Variants in GIT2 observed in about 807,000 individuals in gnomAD.
The protein encoded by GIT2 is GIT ArfGAP 2.
In GIT2, 32 loss-of-function variants were observed where a neutral mutation model predicts 100.3. The ratio of observed to expected loss-of-function variants is 0.32; its 90% CI spans 0.24 to 0.43. The LOEUF (loss-of-function observed/expected upper bound fraction) is 0.43, where lower values mean the gene tolerates loss of function less well. Among genes scored for constraint, GIT2 ranks in the 20% least tolerant of loss-of-function variants. The pLI is 1.00. For missense variants in GIT2, 737 were observed against 975.1 expected, an observed-to-expected ratio of 0.76 and a Z score of 3.25; for synonymous variants, 353 against 364.1, an observed-to-expected ratio of 0.97 and a Z score of 0.35.
chr12:109,966,145 G>GC (rs924281250), intron 8 of GIT2, among the ~76,000 whole-genome samples: 2 of 151,810 alleles, frequency 1.3e-5, no homozygotes, highest in Non-Finnish European at 2.9e-5. Context: ...ACAGGCACAC[G>GC]CCACTGTGCC....
At position 109,933,441 on chromosome 12, in the gene GIT2, G is replaced by C. The variant is rs1393963695; in HGVS notation, c.2068-251C>G. 1 of 397,782 alleles carries C rather than the reference G, an allele frequency of 2.5e-6. No homozygotes were observed. The highest frequency in any genetic ancestry group is 4.5e-6 in the Non-Finnish European group (1 of 222,072). 24.6% of individuals were successfully genotyped at this position (397,782 alleles called of 1,614,324 possible). A position where few individuals can be genotyped will look rare whatever the true frequency, so the allele number is the denominator to read the frequency against. On this transcript the variant is annotated intron_variant, in intron 19 of 19. Coordinates refer to ENST00000355312, the MANE Select transcript of GIT2 (RefSeq NM_057169.5). This position sits in a 1 kb window ranked among gnomAD's most constrained non-coding sequence, Gnocchi z 4.5. Reference sequence around the variant, plus strand: ...TAGTAGTATGTGGTATTTTGAAGTAGTTTTTGAAAAATATTAATCCATGTG... The same window carrying C: ...TAGTAGTATGTGGTATTTTGAAGTACTTTTTGAAAAATATTAATCCATGTG...
Position 109,947,221 on chromosome 12 carries a change from G to C in GIT2, c.1641+35C>G, listed in dbSNP as rs1441191015. The C allele has an allele frequency of 1.9e-6, 3 of 1,593,506 alleles. No homozygotes were observed. The highest frequency in any genetic ancestry group is 1.7e-5 in the Admixed American group (1 of 59,106). ...GGGAACAGAGTAGACAGGCTGCATA[G>C]AGTGAACAGCAGAAGCGCCAGTGGT... On this transcript the variant is annotated intron_variant, in intron 15 of 19. Transcript: ENST00000355312. The surrounding 1 kb of genome is among the most constrained non-coding windows in gnomAD (Gnocchi z 4.3).
In GIT2 at chr12:109,947,143, CTCT is replaced by C. The variant is rs1465440267; in HGVS notation, c.1641+110_1641+112del. On this transcript the variant is annotated intron_variant, in intron 15 of 19. Coordinates refer to ENST00000355312, the MANE Select transcript of GIT2 (RefSeq NM_057169.5). The surrounding 1 kb of genome is among the most constrained non-coding windows in gnomAD (Gnocchi z 4.3). ...TAATACAGCAAACACAATGGTAACT[CTCT>C]TAGTCCAATTTGGCAAAGCAGAGCT... The C allele has an allele frequency of 1.0e-6, 1 of 954,484 alleles. No homozygotes were observed. Among genetic ancestry groups the C allele is most frequent in the Non-Finnish European group, 1.6e-6 (1 of 621,162 alleles). The allele number at this position is 954,484 out of a possible 1,614,324, so 59.1% of individuals were successfully genotyped here.
chr12:109,944,608 A>G (rs1195620052), intron 16 of GIT2, among the ~76,000 whole-genome samples: 1 of 152,204 alleles, frequency 6.6e-6, no homozygotes, highest in African/African-American at 2.4e-5. Context: ...TGACTACTCT[A>G]AAAGAGGCTT....
intron 9 of GIT2, 67 bp downstream of exon 9, chr12:109,965,459 C>G (rs10851035): frequency 0.19 from 164,358 of 861,062 alleles, 22,131 homozygotes; most frequent in African/African-American, 0.61. Flanking sequence ...AACCTGCATT[C>G]AGAGTAGGTA....
chr12:109,965,006 C>A (rs1881976224), intron 9 of GIT2, among the ~76,000 whole-genome samples: 1 of 152,114 alleles, frequency 6.6e-6, no homozygotes. Context: ...AAACTCTGAG[C>A]ACGCACATGG....
chr12:109,949,056 C>A (rs1592988522), intron 14 of GIT2: 1 of 569,948 alleles, frequency 1.8e-6, no homozygotes, highest in Non-Finnish European at 3.1e-6. Context: ...CTCTGAAGAG[C>A]AAGCCATTAC....
chr12:109,992,226 A>G (rs1888549980), intron 1 of GIT2: 1 of 140,754 alleles, frequency 7.1e-6, no homozygotes, highest in Non-Finnish European at 1.5e-5. Flanking sequence ...GGCTCACTGC[A>G]ACCTCTATCT....
intron 16 of GIT2, chr12:109,939,954 A>G (rs1874213551): frequency 6.6e-6 from 1 of 152,194 alleles, no homozygotes; most frequent in Non-Finnish European, 1.5e-5. Flanking sequence ...CCACCTTCAG[A>G]TTATCTCATT....
Position 109,953,092 on chromosome 12 carries a change from C to G in GIT2, c.1242G>C (p.Lys414Asn). 6.2e-7 allele frequency: 1 copy of G among 1,613,834 alleles called. No individual in the cohort carries two copies. The highest frequency in any genetic ancestry group is 8.5e-7 in the Non-Finnish European group (1 of 1,179,742). The change falls in exon 13 of 20, where the codon AAG becomes AAC. Residue 414 changes from lysine (K) to asparagine (N), a missense_variant and splice_region_variant. Transcript: ENST00000355312. ...TTCCATGGGACGCATGGCCTCTCAC[C>G]TTCTGCCGGTTTGTTTTGCTTGCAG... ...ETTASKTNRQ[K>N]SLDSDLSDGP...
chr12:109,953,257 T>C, intron 12 of GIT2, 23 bp from the exon 13 acceptor site: 4 of 1,611,464 alleles, frequency 2.5e-6, no homozygotes, highest in Middle Eastern at 1.7e-4. Context: ...GCAAACAACT[T>C]TACTTCAGGC....
intron 12 of GIT2, among the ~76,000 whole-genome samples, chr12:109,958,786 G>A (rs1053929738): frequency 6.6e-6 from 1 of 152,110 alleles, no homozygotes; most frequent in African/African-American, 2.4e-5. Context: ...AATGAAAAAC[G>A]TCTAATTTCT....
upstream of GIT2, chr12:109,999,451 C>G (rs1462941127): frequency 4.3e-6 from 1 of 233,172 alleles, no homozygotes; most frequent in Non-Finnish European, 8.2e-6. The surrounding 1 kb of genome is among the most constrained non-coding windows in gnomAD (Gnocchi z 4.3). Context: ...CGCGAGCTGT[C>G]AGCGCGGGCG....
At chr12:109,938,645 T>C (rs1320311766) in intron 17 of GIT2, 77 bp from the exon 18 acceptor site, 3 of 1,017,660 alleles carry the variant, frequency 2.9e-6, no homozygotes, top group South Asian at 1.6e-5. Flanking sequence ...CCACTTTGTA[T>C]GCACTGGCTA....
At chr12:109,949,665 A>C (rs1226774269) in intron 14 of GIT2, among the ~76,000 whole-genome samples, 1 of 152,220 alleles carries the variant, frequency 6.6e-6, no homozygotes, top group African/African-American at 2.4e-5. Context: ...AAAAGCAAAT[A>C]ATTTCACTTT....
At chr12:109,974,510 C>G (rs918901286) in intron 7 of GIT2, among the ~76,000 whole-genome samples, 3 of 152,068 alleles carry the variant, frequency 2.0e-5, no homozygotes, top group Non-Finnish European at 4.4e-5. Context: ...TGGGCAACAG[C>G]GCGAGGCTCT....
chr12:109,933,561 C>T lies in GIT2; in HGVS notation c.2068-371G>A. 1 of 219,182 alleles carries T rather than the reference C, an allele frequency of 4.6e-6. No homozygotes were observed. Among genetic ancestry groups the T allele is most frequent in the Non-Finnish European group, 9.1e-6 (1 of 109,678 alleles). The allele number at this position is 219,182 out of a possible 1,614,324, so 13.6% of individuals were successfully genotyped here. A position where few individuals can be genotyped will look rare whatever the true frequency, so the allele number is the denominator to read the frequency against. On this transcript the variant is annotated intron_variant, in intron 19 of 19. Transcript: ENST00000355312. This position sits in a 1 kb window ranked among gnomAD's most constrained non-coding sequence, Gnocchi z 4.5. ...TTATTAAATCAACATTCATGCAGAACAAAAATATTTCAAAGCTCTATACGA... is the reference window on the plus strand; with the variant it reads ...TTATTAAATCAACATTCATGCAGAATAAAAATATTTCAAAGCTCTATACGA...
chr12:109,985,512 T>C (rs962634168), intron 4 of GIT2, among the ~76,000 whole-genome samples: 1 of 152,126 alleles, frequency 6.6e-6, no homozygotes, highest in African/African-American at 2.4e-5. Context: ...GCCCAAGAAT[T>C]TGAGACCAGT....
chr12:109,998,377 T>C (rs1475084936), upstream of GIT2: 1 of 152,270 alleles, frequency 6.6e-6, no homozygotes, highest in Non-Finnish European at 1.5e-5. Flanking sequence ...TGCAGGCATC[T>C]GAAGAGCTGG....
Sources: allele counts gnomAD v4.1 joint callset (sites outside exome capture counted in the v4.1 genomes callset), GRCh38; gene constraint gnomAD v4.1.1; non-coding constraint Gnocchi (gnomAD v3.1); transcripts MANE v1.5; gene names NCBI Gene and HGNC (gene_info 2026-07-23, HGNC 2026-07-21).